PPME1: variants seen among roughly 807,000 people sequenced by gnomAD.
PPME1 encodes the protein testicular secretory protein Li 39.
PPME1 carries 17 observed loss-of-function variants against 56.9 expected under a neutral mutation model. That is an observed-to-expected ratio of 0.30 (90% CI 0.20 to 0.45). PPME1 has a LOEUF of 0.45. Ranked by LOEUF, PPME1 falls within the 20% of genes least tolerant of loss-of-function variation. The probability of loss-of-function intolerance (pLI) is 1.00; values close to 1 mark genes in which losing one functional copy is unlikely to be tolerated. For synonymous variants in PPME1, 122 were observed against 156.2 expected (o/e 0.78, Z 1.63); for missense variants, 357 against 483.2 (o/e 0.74, Z 2.45).
intron 1 of PPME1, among the ~76,000 whole-genome samples, chr11:74,173,335 A>G (rs1857329753): frequency 6.6e-6 from 1 of 152,168 alleles, no homozygotes; most frequent in Admixed American, 6.5e-5. Context: ...GCACCCTTCT[A>G]TACAAATACA....
At chr11:74,173,020 A>G (rs1857317009) in intron 1 of PPME1, among the ~76,000 whole-genome samples, 1 of 152,150 alleles carries the variant, frequency 6.6e-6, no homozygotes, top group African/African-American at 2.4e-5. Flanking sequence ...CAGGGAAGGA[A>G]ACTAAGAATT....
At chr11:74,209,920 G>C (rs1858428728) in intron 3 of PPME1, among the ~76,000 whole-genome samples, 1 of 152,146 alleles carries the variant, frequency 6.6e-6, no homozygotes, top group African/African-American at 2.4e-5. Flanking sequence ...CAGAAGTGGG[G>C]CATAGTGGCA....
rs148341218 is a variant in PPME1, at chr11:74,216,937, T to A, written c.289-5375T>A. On this transcript the variant is annotated intron_variant, in intron 3 of 13. Coordinates refer to ENST00000328257, the MANE Select transcript of PPME1 (RefSeq NM_016147.3). ...TTGAACCATGAAGAAATCCAAAACCTGAACAGACCAATAACAAGTAATGAA... is the reference window on the plus strand; with the variant it reads ...TTGAACCATGAAGAAATCCAAAACCAGAACAGACCAATAACAAGTAATGAA... Among the ~76,000 whole-genome samples, 323 of 152,206 alleles carry A rather than the reference T, an allele frequency of 2.1e-3. 2 individuals are homozygous for A. The highest frequency in any genetic ancestry group is 6.8e-3 in the Middle Eastern group (2 of 294).
intron 1 of PPME1, among the ~76,000 whole-genome samples, chr11:74,200,357 TTGTGTGTGTGTGTGTG>T (rs71919163): frequency 4.5e-4 from 66 of 145,920 alleles, no homozygotes; most frequent in Admixed American, 1.2e-3. Context: ...GTCATGTGTT[TTGTGTGTGTGTGTGTG>T]TGTGTGTGTG....
intron 1 of PPME1, among the ~76,000 whole-genome samples, chr11:74,181,863 A>C (rs1565374737): frequency 1.3e-5 from 2 of 152,250 alleles, no homozygotes; most frequent in Admixed American, 6.5e-5. Flanking sequence ...TTAGAGTGAA[A>C]GTAGCCACAG....
chr11:74,175,273 C>A (rs957195044), intron 1 of PPME1, among the ~76,000 whole-genome samples: 1 of 152,048 alleles, frequency 6.6e-6, no homozygotes, highest in Non-Finnish European at 1.5e-5. Context: ...GAGGCCGAGG[C>A]GGGTGGATCA....
intron 1 of PPME1, among the ~76,000 whole-genome samples, chr11:74,178,654 C>T (rs1857456990): frequency 6.6e-6 from 1 of 152,168 alleles, no homozygotes; most frequent in Non-Finnish European, 1.5e-5. Flanking sequence ...AATAATCCCA[C>T]CCCCAACTCC....
Position 74,230,341 on chromosome 11 carries a change from A to G in PPME1, c.495A>G (p.Thr165=). The G allele has an allele frequency of 1.2e-6, 2 of 1,613,902 alleles. No individual in the cohort carries two copies. Among genetic ancestry groups the G allele is most frequent in the Non-Finnish European group, 1.7e-6 (2 of 1,179,808 alleles). The change falls in exon 6 of 14, where the codon ACA becomes ACG. Residue 165 remains threonine (T), a synonymous_variant. Transcript: ENST00000328257. The surrounding 1 kb of genome is among the most constrained non-coding windows in gnomAD (Gnocchi z 4.9). ...TGGGTGGTGCTATTGCAGTCCACAC[A>G]GCATCATCCAACCTGGTACCAAGCC... ...HSMGGAIAVH[T]ASSNLVPSLL... is the part of the protein sequence containing the mutation.
intron 1 of PPME1, among the ~76,000 whole-genome samples, chr11:74,192,181 G>T (rs1023880625): frequency 5.9e-5 from 9 of 152,206 alleles, no homozygotes; most frequent in African/African-American, 2.2e-4. Flanking sequence ...GTGGGACATG[G>T]AGTCAAAAGA....
chr11:74,177,640 G>C (rs113592478), intron 1 of PPME1, among the ~76,000 whole-genome samples: 1 of 151,906 alleles, frequency 6.6e-6, no homozygotes, highest in Admixed American at 6.6e-5. Flanking sequence ...GAGGATTTTC[G>C]TGGTTCCTCT....
intron 1 of PPME1, among the ~76,000 whole-genome samples, chr11:74,194,886 T>G (rs1857939845): frequency 6.6e-6 from 1 of 152,158 alleles, no homozygotes; most frequent in African/African-American, 2.4e-5. Flanking sequence ...GGATAAGGGA[T>G]TCAACACAGG....
At chr11:74,250,841 A>G in intron 11 of PPME1, 113 bp from the exon 12 acceptor site, 1 of 816,404 alleles carries the variant, frequency 1.2e-6, no homozygotes, top group Non-Finnish European at 2.1e-6. Context: ...CAGAGTATTG[A>G]GGTGAGGTTG....
intron 5 of PPME1, among the ~76,000 whole-genome samples, chr11:74,228,890 A>T (rs1858996436): frequency 6.6e-6 from 1 of 152,220 alleles, no homozygotes. Context: ...CTATAGAAGC[A>T]GCACTGGTGT....
Position 74,220,928 on chromosome 11 carries a change from A to AT in PPME1, c.289-1381dup, listed in dbSNP as rs1201368742. Among the ~76,000 whole-genome samples the AT allele has an allele frequency of 2.0e-5, 3 of 152,118 alleles. No individual in the cohort carries two copies. The East Asian group carries it at 5.8e-4, about 29-fold the overall frequency. Reference sequence around the variant, plus strand: ...GTTAGTCTGTGAATTTACTTTGCTCATTTATTTTTTTCTAGTCTTCTTCCA... The same window carrying AT: ...GTTAGTCTGTGAATTTACTTTGCTCATTTTATTTTTTTCTAGTCTTCTTCCA... On this transcript the variant is annotated intron_variant, in intron 3 of 13. Coordinates refer to ENST00000328257, the MANE Select transcript of PPME1 (RefSeq NM_016147.3).
chr11:74,187,779 G>A (rs1857724934), intron 1 of PPME1, among the ~76,000 whole-genome samples: 1 of 152,214 alleles, frequency 6.6e-6, no homozygotes. Context: ...CCAGGATGCT[G>A]AGGTCTGAAT....
Position 74,246,995 on chromosome 11 carries a change from C to T in PPME1, c.965-84C>T. The T allele has an allele frequency of 3.5e-6, 4 of 1,137,462 alleles. No homozygotes were observed. The South Asian group carries it at 5.4e-5, about 15-fold the overall frequency. 70.5% of individuals were successfully genotyped at this position (1,137,462 alleles called of 1,614,324 possible). A position where few individuals can be genotyped will look rare whatever the true frequency, so the allele number is the denominator to read the frequency against. ...TGGTATAAACATGAATGGAGAATGT[C>T]ATCATATTTAAAACTTTGTAACACT... On this transcript the variant is annotated intron_variant, in intron 10 of 13. Coordinates refer to ENST00000328257, the MANE Select transcript of PPME1 (RefSeq NM_016147.3).
At chr11:74,199,285 T>G (rs1012820405) in intron 1 of PPME1, among the ~76,000 whole-genome samples, 1 of 152,194 alleles carries the variant, frequency 6.6e-6, no homozygotes, top group Non-Finnish European at 1.5e-5. Context: ...CAGCTGTACT[T>G]CTTAGGGTAT....
chr11:74,227,308 G>A (rs545113040), intron 5 of PPME1, among the ~76,000 whole-genome samples: 1 of 152,248 alleles, frequency 6.6e-6, no homozygotes, highest in East Asian at 1.9e-4. Flanking sequence ...AGGATGAATT[G>A]GAGTTGAGGT....
intron 7 of PPME1, among the ~76,000 whole-genome samples, chr11:74,232,859 G>GTTTTTTTTT (rs1177098150): frequency 8.8e-6 from 1 of 113,806 alleles, no homozygotes; most frequent in Non-Finnish European, 1.7e-5. Context: ...TTTGTTATTT[G>GTTTTTTTTT]ATTTTTTTTT....
Sources: allele counts gnomAD v4.1 joint callset (sites outside exome capture counted in the v4.1 genomes callset), GRCh38; gene constraint gnomAD v4.1.1; non-coding constraint Gnocchi (gnomAD v3.1); transcripts MANE v1.5; gene names NCBI Gene and HGNC (gene_info 2026-07-23, HGNC 2026-07-21).